OXR1: variants seen among roughly 807,000 people sequenced by gnomAD.
OXR1 encodes the protein oxidation resistance protein 1.
A neutral mutation model predicts 104.6 loss-of-function variants in OXR1; 41 were observed. The ratio of observed to expected loss-of-function variants is 0.39; its 90% CI spans 0.31 to 0.51. The LOEUF is 0.51. Ranked by LOEUF, OXR1 falls within the 20% of genes least tolerant of loss-of-function variation. The probability of loss-of-function intolerance (pLI) is 0.77; values close to 1 mark genes in which losing one functional copy is unlikely to be tolerated. For missense variants in OXR1, 955 were observed against 1,031.9 expected (o/e 0.93, Z 1.02); for synonymous variants, 348 against 348.4 (o/e 1.00, Z 0.01).
At position 106,273,297 on chromosome 8, in the gene OXR1, G is replaced by A. The variant is rs968922468; in HGVS notation, c.-139+2930G>A. Reference sequence around the variant, plus strand: ...AGTAAAGGTGGTGAAATGGCTTGAGGAGGCAGAATGAGAAATAGAGATGTC... The same window carrying A: ...AGTAAAGGTGGTGAAATGGCTTGAGAAGGCAGAATGAGAAATAGAGATGTC... On this transcript the variant is annotated intron_variant, in intron 1 of 16. Transcript: ENST00000517566. Among the ~76,000 whole-genome samples the A allele has an allele frequency of 2.0e-5, 3 of 152,200 alleles. No homozygotes were observed. In the East Asian group the frequency reaches 5.8e-4, roughly 29 times the overall value.
At chr8:106,407,374 T>G (rs1212375813) in intron 2 of OXR1, among the ~76,000 whole-genome samples, 1 of 152,190 alleles carries the variant, frequency 6.6e-6, no homozygotes, top group Non-Finnish European at 1.5e-5. Context: ...TCTAATCAGT[T>G]TGCTGTACCT....
chr8:106,613,137 T>G (rs1158041507), intron 3 of OXR1, among the ~76,000 whole-genome samples: 1 of 151,924 alleles, frequency 6.6e-6, no homozygotes, highest in Non-Finnish European at 1.5e-5. Context: ...AAAACAGAAC[T>G]TTGGCTATTT....
intron 2 of OXR1, among the ~76,000 whole-genome samples, chr8:106,460,800 T>C (rs1239009915): frequency 6.6e-6 from 1 of 152,144 alleles, no homozygotes; most frequent in East Asian, 1.9e-4. Context: ...AGATGACTGA[T>C]GGATGAGCCA....
At chr8:106,299,256 A>G (rs1000163696) in intron 1 of OXR1, among the ~76,000 whole-genome samples, 6 of 151,928 alleles carry the variant, frequency 3.9e-5, no homozygotes, top group Non-Finnish European at 4.4e-5. Flanking sequence ...AGAACATGGC[A>G]GACCTCATAC....
At chr8:106,378,411 T>C (rs1816994474) in intron 2 of OXR1, among the ~76,000 whole-genome samples, 1 of 152,168 alleles carries the variant, frequency 6.6e-6, no homozygotes, top group Non-Finnish European at 1.5e-5. Context: ...TGTCATCTCG[T>C]TGCTTCCCCC....
At chr8:106,501,496 G>T (rs1450665115) in intron 2 of OXR1, among the ~76,000 whole-genome samples, 3 of 152,210 alleles carry the variant, frequency 2.0e-5, no homozygotes, top group African/African-American at 7.2e-5. Context: ...TTTTTTAAAA[G>T]CACTTTGCTC....
chr8:106,323,872 G>A (rs963334511), intron 1 of OXR1, among the ~76,000 whole-genome samples: 18 of 152,112 alleles, frequency 1.2e-4, no homozygotes, highest in Non-Finnish European at 1.9e-4. Context: ...AGATGCTGGC[G>A]AGGTTGTGGA....
intron 3 of OXR1, among the ~76,000 whole-genome samples, chr8:106,557,707 T>G (rs1368549046): frequency 6.6e-6 from 1 of 152,158 alleles, no homozygotes; most frequent in African/African-American, 2.4e-5. Context: ...CACCTAATGA[T>G]GAATTTAGCT....
At chr8:106,312,023 C>CT (rs1292487680) in intron 1 of OXR1, among the ~76,000 whole-genome samples, 1 of 151,854 alleles carries the variant, frequency 6.6e-6, no homozygotes, top group Non-Finnish European at 1.5e-5. Flanking sequence ...GCCCACAGAC[C>CT]TTTTTTTCAC....
chr8:106,407,131 CT>C (rs1818275588), intron 2 of OXR1, among the ~76,000 whole-genome samples: 1 of 152,178 alleles, frequency 6.6e-6, no homozygotes, highest in East Asian at 1.9e-4. Context: ...GTTTCCCTCT[CT>C]TTTTTTGTGG....
chr8:106,513,410 T>TACAC (rs10582378), intron 2 of OXR1, among the ~76,000 whole-genome samples: 13,094 of 150,868 alleles, frequency 0.087, 807 homozygotes, highest in African/African-American at 0.17. Flanking sequence ...CGTGGATTTA[T>TACAC]ACACACACAC....
At chr8:106,399,882 G>C (rs1338482371) in intron 2 of OXR1, among the ~76,000 whole-genome samples, 1 of 152,148 alleles carries the variant, frequency 6.6e-6, no homozygotes, top group Non-Finnish European at 1.5e-5. Flanking sequence ...TCTATGATAA[G>C]ATAAAGGGTT....
chr8:106,738,591 A>G (rs1393963804), intron 12 of OXR1, among the ~76,000 whole-genome samples: 2 of 151,540 alleles, frequency 1.3e-5, no homozygotes, highest in African/African-American at 4.8e-5. Context: ...AAGTTTCATA[A>G]TGTTTCATTT....
chr8:106,312,076 G>A (rs1295445630), intron 1 of OXR1, among the ~76,000 whole-genome samples: 2 of 141,358 alleles, frequency 1.4e-5, no homozygotes, highest in Non-Finnish European at 3.0e-5. Context: ...TAACTTGTTT[G>A]ACTGGGAGTC....
intron 1 of OXR1, among the ~76,000 whole-genome samples, chr8:106,278,913 G>A (rs1342861630): frequency 1.3e-5 from 2 of 152,124 alleles, no homozygotes; most frequent in Admixed American, 6.5e-5. Context: ...TCTGCTTGTG[G>A]TAAGTATGTC....
intron 2 of OXR1, among the ~76,000 whole-genome samples, chr8:106,408,125 A>G (rs1217617751): frequency 6.6e-6 from 1 of 152,188 alleles, no homozygotes; most frequent in African/African-American, 2.4e-5. Context: ...TCATCAAAGA[A>G]TCATCGATCC....
chr8:106,526,623 A>G (rs889256116), intron 3 of OXR1, among the ~76,000 whole-genome samples: 4 of 152,178 alleles, frequency 2.6e-5, no homozygotes, highest in Admixed American at 6.5e-5. Context: ...GCTCGCTGCA[A>G]GCTCCGCCTC....
chr8:106,694,848 T>G (rs201154084), intron 7 of OXR1, among the ~76,000 whole-genome samples: 1 of 129,114 alleles, frequency 7.7e-6, no homozygotes, highest in African/African-American at 2.9e-5. Flanking sequence ...ATATATATAT[T>G]TAATATATAA....
At position 106,602,472 on chromosome 8, in the gene OXR1, A is replaced by G. The variant is rs1342990212; in HGVS notation, c.221-76738A>G. Reference sequence around the variant, plus strand: ...AAATACAGTTTGGAGGGTGAAAGAAATGAAATCGTCAAGAATGATTCTTAC... The same window carrying G: ...AAATACAGTTTGGAGGGTGAAAGAAGTGAAATCGTCAAGAATGATTCTTAC... On this transcript the variant is annotated intron_variant, in intron 3 of 16. Coordinates refer to ENST00000517566, the MANE Select transcript of OXR1 (RefSeq NM_001198533.2). 2.6e-5 allele frequency among the ~76,000 whole-genome samples: 4 copies of G among 152,368 alleles called. No individual in the cohort carries two copies. In the East Asian group the frequency reaches 7.7e-4, roughly 29 times the overall value.
Sources: gnomAD v4.1 joint callset for allele counts (sites outside exome capture counted in the v4.1 genomes callset) on GRCh38, gnomAD v4.1.1 for gene constraint, MANE v1.5 for transcripts, NCBI Gene and HGNC (gene_info 2026-07-23, HGNC 2026-07-21) for gene names.